Variants in ADCY2 observed in about 807,000 individuals in gnomAD.
The protein encoded by ADCY2 is adenylate cyclase 2, also known as adenylate cyclase type 2.
In ADCY2, 31 loss-of-function variants were observed where a neutral mutation model predicts 125.2. The observed-to-expected ratio is 0.25, with a 90% CI of 0.19 to 0.33. The LOEUF is 0.33. ADCY2 is among the 10% of genes least tolerant of loss of function. The pLI is 1.00. For synonymous variants in ADCY2, 512 were observed against 548.4 expected, an observed-to-expected ratio of 0.93 and a Z score of 0.93; for missense variants, 904 against 1,418.2, an observed-to-expected ratio of 0.64 and a Z score of 5.82.
chr5:7,442,309 G>A (rs143684278), intron 2 of ADCY2, among the ~76,000 whole-genome samples: 222 of 152,216 alleles, frequency 1.5e-3, no homozygotes, highest in African/African-American at 5.0e-3. Context: ...GTCTTGGGCT[G>A]TGCAATGCCT....
chr5:7,670,851 C>T (rs1739909918), intron 4 of ADCY2, among the ~76,000 whole-genome samples: 2 of 152,214 alleles, frequency 1.3e-5, no homozygotes, highest in Non-Finnish European at 2.9e-5. Flanking sequence ...CCACCACTCA[C>T]CTCCTGCTCT....
intron 1 of ADCY2, among the ~76,000 whole-genome samples, chr5:7,406,990 G>A (rs188990482): frequency 1.3e-5 from 2 of 152,246 alleles, no homozygotes; most frequent in African/African-American, 4.8e-5. Flanking sequence ...TTGTTCAGTT[G>A]AAATAATTTC....
chr5:7,524,027 A>G (rs1296575962), intron 3 of ADCY2, among the ~76,000 whole-genome samples: 2 of 152,026 alleles, frequency 1.3e-5, no homozygotes, highest in Non-Finnish European at 2.9e-5. Context: ...AGATAAATCC[A>G]TATTCTCCTT....
chr5:7,720,758 G>A (rs1182748905), intron 12 of ADCY2, among the ~76,000 whole-genome samples: 1 of 152,116 alleles, frequency 6.6e-6, no homozygotes, highest in African/African-American at 2.4e-5. Flanking sequence ...AGTATTCCAT[G>A]GTGTATATGT....
At chr5:7,537,703 A>G (rs1316168515) in intron 3 of ADCY2, among the ~76,000 whole-genome samples, 4 of 152,102 alleles carry the variant, frequency 2.6e-5, no homozygotes, top group Admixed American at 1.3e-4. Flanking sequence ...GAATCCTTCA[A>G]TAGCTTTCTA....
intron 3 of ADCY2, among the ~76,000 whole-genome samples, chr5:7,561,091 A>T (rs1454584482): frequency 6.6e-6 from 1 of 152,226 alleles, no homozygotes; most frequent in African/African-American, 2.4e-5. Flanking sequence ...TACGATTATG[A>T]TTAAGCATGA....
At chr5:7,461,538 C>G (rs190856065) in intron 2 of ADCY2, among the ~76,000 whole-genome samples, 172 of 152,318 alleles carry the variant, frequency 1.1e-3, no homozygotes, top group African/African-American at 3.8e-3. Flanking sequence ...AGCTATAATT[C>G]TGTTTCCACA....
chr5:7,510,617 C>A (rs1158196737), intron 2 of ADCY2, among the ~76,000 whole-genome samples: 1 of 152,158 alleles, frequency 6.6e-6, no homozygotes, highest in East Asian at 1.9e-4. Flanking sequence ...GATGCAGTGT[C>A]ATTGTTGTTC....
intron 3 of ADCY2, among the ~76,000 whole-genome samples, chr5:7,610,538 T>C (rs994933981): frequency 6.6e-6 from 1 of 151,802 alleles, no homozygotes; most frequent in Non-Finnish European, 1.5e-5. Context: ...GAGACAGGGA[T>C]CAAGAAATAG....
At chr5:7,825,515 T>C (rs766947851) in intron 24 of ADCY2, among the ~76,000 whole-genome samples, 31 of 152,240 alleles carry the variant, frequency 2.0e-4, no homozygotes, top group Non-Finnish European at 3.5e-4. Flanking sequence ...GGTGCCCTTG[T>C]TGCAGCCATG....
chr5:7,781,176 GGAGA>G (rs1399162325), intron 18 of ADCY2, among the ~76,000 whole-genome samples: 2 of 152,092 alleles, frequency 1.3e-5, no homozygotes, highest in African/African-American at 4.8e-5. Context: ...AAAACATAAA[GGAGA>G]GAGAGAGAAA....
intron 2 of ADCY2, among the ~76,000 whole-genome samples, chr5:7,425,952 T>C (rs1740370265): frequency 6.6e-6 from 1 of 152,208 alleles, no homozygotes; most frequent in Non-Finnish European, 1.5e-5. Context: ...TGCTGTACCA[T>C]CAGCTTCCCA....
At chr5:7,810,776 A>G (rs948753525) in intron 22 of ADCY2, among the ~76,000 whole-genome samples, 7 of 152,100 alleles carry the variant, frequency 4.6e-5, no homozygotes, top group African/African-American at 1.4e-4. Context: ...TCTCTCCACT[A>G]CTATAGTCCA....
intron 5 of ADCY2, among the ~76,000 whole-genome samples, chr5:7,694,814 A>G (rs761443855): frequency 6.6e-6 from 1 of 152,152 alleles, no homozygotes; most frequent in Non-Finnish European, 1.5e-5. Context: ...GCTGAATCAT[A>G]TGGTATTTTG....
At chr5:7,649,477 A>C (rs533445336) in intron 4 of ADCY2, among the ~76,000 whole-genome samples, 3 of 152,236 alleles carry the variant, frequency 2.0e-5, no homozygotes, top group Non-Finnish European at 2.9e-5. Context: ...ATGAAAGTAC[A>C]TATTTTTTCT....
At chr5:7,514,351 T>G (rs192084883) in intron 2 of ADCY2, among the ~76,000 whole-genome samples, 80 of 152,292 alleles carry the variant, frequency 5.3e-4, no homozygotes, top group Middle Eastern at 6.8e-3. Flanking sequence ...CATAGTAATT[T>G]TATGTCCAAA....
At chr5:7,456,834 A>G (rs1384244299) in intron 2 of ADCY2, among the ~76,000 whole-genome samples, 3 of 152,192 alleles carry the variant, frequency 2.0e-5, no homozygotes, top group South Asian at 2.1e-4. Flanking sequence ...TTCGTACTCT[A>G]ATAGGGGTTT....
At chr5:7,512,233 A>AAAAAAAAAAAAAAAAAAAAG (rs1561066830) in intron 2 of ADCY2, among the ~76,000 whole-genome samples, 1 of 143,758 alleles carries the variant, frequency 7.0e-6, no homozygotes, top group African/African-American at 2.7e-5. Flanking sequence ...AAAAAAAAAA[A>AAAAAAAAAAAAAAAAAAAAG]AAAAAAAGAA....
chr5:7,735,789 T>G (rs57131591), intron 14 of ADCY2, among the ~76,000 whole-genome samples: 12,223 of 152,284 alleles, frequency 0.08, 1,239 homozygotes, highest in African/African-American at 0.23. Flanking sequence ...TACTTTTTTT[T>G]GTGATGTCTT....
Sources: allele counts gnomAD v4.1 joint callset (sites outside exome capture counted in the v4.1 genomes callset), GRCh38; gene constraint gnomAD v4.1.1; transcripts MANE v1.5; gene names NCBI Gene and HGNC (gene_info 2026-07-23, HGNC 2026-07-21).